The following RAD54L2 variants were observed in gnomAD, a reference collection of about 807,000 sequenced individuals.
RAD54L2 encodes the protein helicase ARIP4.
RAD54L2 carries 27 observed loss-of-function variants against 138.4 expected under a neutral mutation model. That is an observed-to-expected ratio of 0.20 (90% confidence interval 0.14 to 0.27). RAD54L2 has a LOEUF of 0.27. Among genes scored for constraint, RAD54L2 ranks in the 10% least tolerant of loss-of-function variants. The pLI, the probability that RAD54L2 is intolerant of heterozygous loss-of-function variation, is 1.00. For missense variants in RAD54L2, 1,396 were observed against 1,890.2 expected (o/e 0.74, Z 4.85); for synonymous variants, 644 against 723.2 (o/e 0.89, Z 1.76).
chr3:51,639,765 G>A, intron 13 of RAD54L2, 95 bp downstream of exon 13: 1 of 1,534,022 alleles, frequency 6.5e-7, no homozygotes, highest in Non-Finnish European at 8.9e-7. Flanking sequence ...CATGGCTAGG[G>A]TCTCTGTATG....
At chr3:51,617,556 G>A (rs1485301643) in intron 3 of RAD54L2, among the ~76,000 whole-genome samples, 1 of 152,106 alleles carries the variant, frequency 6.6e-6, no homozygotes, top group Non-Finnish European at 1.5e-5. Flanking sequence ...ATTCTGTGTA[G>A]TCTTACTGAA....
intron 2 of RAD54L2, among the ~76,000 whole-genome samples, chr3:51,585,702 C>T (rs1380004011): frequency 6.6e-6 from 1 of 152,152 alleles, no homozygotes; most frequent in African/African-American, 2.4e-5. Flanking sequence ...TAATTACAGC[C>T]TCCTTTTAAC....
At position 51,666,344 on chromosome 3, in the gene RAD54L2, G is replaced by A. The variant is rs1290585658; in HGVS notation, c.*2924G>A. 3 of 152,040 alleles carry A rather than the reference G, an allele frequency of 2.0e-5. No individual in the cohort carries two copies. Among genetic ancestry groups the A allele is most frequent in the Non-Finnish European group, 2.9e-5 (2 of 68,042 alleles). 9.4% of individuals were successfully genotyped at this position (152,040 alleles called of 1,614,324 possible). ...AAGTATCTCAGAGCCTAAGAACCATGTTTTATAGTTTCTTTGATCATAAAC... is the reference window on the plus strand; with the variant it reads ...AAGTATCTCAGAGCCTAAGAACCATATTTTATAGTTTCTTTGATCATAAAC... On this transcript the variant is annotated 3_prime_UTR_variant, in exon 23 of 23. Coordinates refer to ENST00000684192, the MANE Select transcript of RAD54L2 (RefSeq NM_015106.4).
At chr3:51,610,182 C>T (rs377205723) in intron 3 of RAD54L2, among the ~76,000 whole-genome samples, 123 of 151,986 alleles carry the variant, frequency 8.1e-4, no homozygotes, top group African/African-American at 2.8e-3. Context: ...GAGGGAGAAG[C>T]GATGTGATTC....
intron 2 of RAD54L2, among the ~76,000 whole-genome samples, chr3:51,574,247 G>A (rs191771907): frequency 6.6e-6 from 1 of 152,266 alleles, no homozygotes; most frequent in East Asian, 1.9e-4. Flanking sequence ...GCCTATCACT[G>A]ATGGACATTT....
At chr3:51,546,130 G>C (rs1347378227) in intron 2 of RAD54L2, among the ~76,000 whole-genome samples, 5 of 150,834 alleles carry the variant, frequency 3.3e-5, no homozygotes, top group African/African-American at 1.2e-4. Flanking sequence ...GTAGAGACAG[G>C]GTTTCGCCAT....
intron 3 of RAD54L2, among the ~76,000 whole-genome samples, chr3:51,598,177 GTATA>G (rs71084152): frequency 7.4e-5 from 10 of 135,256 alleles, no homozygotes; most frequent in African/African-American, 2.2e-4. Flanking sequence ...GTGTGTGTGT[GTATA>G]TATATATATA....
chr3:51,588,471 G>A (rs1218794878), intron 2 of RAD54L2, among the ~76,000 whole-genome samples: 2 of 138,734 alleles, frequency 1.4e-5, no homozygotes, highest in African/African-American at 5.1e-5. Flanking sequence ...GGAGGTGGAG[G>A]TTGCAGTGAG....
intron 2 of RAD54L2, among the ~76,000 whole-genome samples, chr3:51,567,020 C>T (rs1017401157): frequency 6.6e-6 from 1 of 152,154 alleles, no homozygotes; most frequent in Non-Finnish European, 1.5e-5. Flanking sequence ...GATTGTAACT[C>T]CTTAAGGTCC....
chr3:51,639,136 T>G, intron 12 of RAD54L2: 1 of 437,962 alleles, frequency 2.3e-6, no homozygotes, highest in South Asian at 3.0e-5. Context: ...TGAATAAGAA[T>G]GTCAAAAAGG....
At chr3:51,541,162 T>C (rs997320) in intron 1 of RAD54L2, 11 of 152,342 alleles carry the variant, frequency 7.2e-5, no homozygotes, top group African/African-American at 2.6e-4. Flanking sequence ...GCTGATGATA[T>C]TTTTTAACAT....
chr3:51,611,767 A>G (rs1700337973), intron 3 of RAD54L2, among the ~76,000 whole-genome samples: 3 of 152,008 alleles, frequency 2.0e-5, no homozygotes, highest in South Asian at 4.2e-4. Context: ...CATCTTGGCC[A>G]GGCTGGTCAT....
At chr3:51,539,908 T>G (rs1316101881) in intron 1 of RAD54L2, among the ~76,000 whole-genome samples, 26 of 152,162 alleles carry the variant, frequency 1.7e-4, no homozygotes, top group Non-Finnish European at 3.5e-4. Context: ...TAGAGGACAG[T>G]GTGGACCTTT....
chr3:51,625,291 G>A (rs1400582158), intron 3 of RAD54L2, among the ~76,000 whole-genome samples: 4 of 152,020 alleles, frequency 2.6e-5, no homozygotes, highest in African/African-American at 9.7e-5. Context: ...GGTGGCACGT[G>A]CCTGTAATCC....
chr3:51,592,054 G>GTTTTTTTTTTTTTTTTTTTTTTTT (rs71084151), intron 3 of RAD54L2, among the ~76,000 whole-genome samples: 3 of 66,824 alleles, frequency 4.5e-5, no homozygotes, highest in Non-Finnish European at 7.7e-5. Context: ...TGGTTTTGGT[G>GTTTTTTTTTTTTTTTTTTTTTTTT]TTTTTTTTTT....
intron 3 of RAD54L2, among the ~76,000 whole-genome samples, chr3:51,605,929 G>A (rs979681653): frequency 6.6e-6 from 1 of 152,182 alleles, no homozygotes; most frequent in Non-Finnish European, 1.5e-5. Flanking sequence ...AGGCTTTCTG[G>A]AGGAATAACC....
chr3:51,547,862 G>A (rs950442393), intron 2 of RAD54L2, among the ~76,000 whole-genome samples: 7 of 151,672 alleles, frequency 4.6e-5, no homozygotes, highest in Admixed American at 2.6e-4. Flanking sequence ...GATTACAGAC[G>A]TGCCCAGCCT....
intron 2 of RAD54L2, among the ~76,000 whole-genome samples, chr3:51,545,737 GC>G (rs1698675844): frequency 6.6e-6 from 1 of 151,680 alleles, no homozygotes; most frequent in Non-Finnish European, 1.5e-5. Context: ...GCATGACCTT[GC>G]CTGGCTAATT....
At chr3:51,592,283 G>A (rs928479556) in intron 3 of RAD54L2, among the ~76,000 whole-genome samples, 3 of 151,724 alleles carry the variant, frequency 2.0e-5, no homozygotes, top group Non-Finnish European at 4.4e-5. Flanking sequence ...GGCTGTTCTC[G>A]AACTCCTAAC....
Sources: gnomAD v4.1 joint callset for allele counts (sites outside exome capture counted in the v4.1 genomes callset) on GRCh38, gnomAD v4.1.1 for gene constraint, MANE v1.5 for transcripts, NCBI Gene and HGNC (gene_info 2026-07-23, HGNC 2026-07-21) for gene names.